Variants in VPS13D observed in about 807,000 individuals in gnomAD.
VPS13D encodes intermembrane lipid transfer protein VPS13D.
In VPS13D, 187 loss-of-function variants were observed where a neutral mutation model predicts 461.9. The observed-to-expected ratio is 0.40, with a 90% confidence interval of 0.36 to 0.46. The LOEUF (loss-of-function observed/expected upper bound fraction) is 0.46. Among genes scored for constraint, VPS13D ranks in the 20% least tolerant of loss-of-function variants. The pLI, the probability that VPS13D is intolerant of heterozygous loss-of-function variation, is 0.60. For missense variants in VPS13D, 4,711 were observed against 5,364.9 expected (o/e 0.88, Z 3.81); for synonymous variants, 1,951 against 1,986.3 (o/e 0.98, Z 0.47).
intron 54 of VPS13D, 112 bp downstream of exon 54, chr1:12,369,814 A>C (rs1644091773): frequency 1.0e-6 from 1 of 975,002 alleles, no homozygotes; most frequent in Admixed American, 2.7e-5. Flanking sequence ...AGATTCTTTC[A>C]TTCTTTACCA....
chr1:12,352,298 TAAAG>T (rs887715704), intron 46 of VPS13D, among the ~76,000 whole-genome samples: 7 of 151,336 alleles, frequency 4.6e-5, no homozygotes, highest in Admixed American at 1.3e-4. Flanking sequence ...CTCAAAAAAA[TAAAG>T]AAGGAGTACA....
chr1:12,373,619 T>G, intron 54 of VPS13D, 131 bp from the exon 55 acceptor site: 1 of 380,340 alleles, frequency 2.6e-6, no homozygotes, highest in Non-Finnish European at 4.2e-6. Context: ...TTTTCTTCTA[T>G]CCTTTAAAAA....
At chr1:12,421,224 C>G (rs1040637412) in intron 65 of VPS13D, among the ~76,000 whole-genome samples, 1 of 152,172 alleles carries the variant, frequency 6.6e-6, no homozygotes, top group Non-Finnish European at 1.5e-5. Flanking sequence ...CCCATGACTC[C>G]CCTGCCTGGG....
chr1:12,284,095 AGCAAC>A (rs986122164), intron 21 of VPS13D, among the ~76,000 whole-genome samples: 2 of 152,206 alleles, frequency 1.3e-5, no homozygotes, highest in African/African-American at 4.8e-5. Context: ...AATCTGTAAT[AGCAAC>A]TTTAAAGTGT....
At chr1:12,404,242 T>C (rs1250263240) in intron 63 of VPS13D, among the ~76,000 whole-genome samples, 1 of 151,784 alleles carries the variant, frequency 6.6e-6, no homozygotes, top group East Asian at 1.9e-4. Flanking sequence ...TCACAGATAA[T>C]TCTGTAAAAC....
At chr1:12,306,486 C>T (rs928333025) in intron 26 of VPS13D, among the ~76,000 whole-genome samples, 3 of 152,242 alleles carry the variant, frequency 2.0e-5, no homozygotes, top group Non-Finnish European at 4.4e-5. Context: ...TGATTAGGAA[C>T]AAGGCCAGTC....
intron 68 of VPS13D, among the ~76,000 whole-genome samples, chr1:12,498,717 T>G (rs994816940): frequency 1.3e-5 from 2 of 152,158 alleles, no homozygotes; most frequent in African/African-American, 4.8e-5. Flanking sequence ...AGGTCCAGGA[T>G]CAAGGCATCT....
intron 61 of VPS13D, 58 bp downstream of exon 61, chr1:12,400,388 C>G: frequency 5.0e-6 from 8 of 1,591,492 alleles, no homozygotes; most frequent in Non-Finnish European, 6.0e-6. Context: ...GATTTGTTCT[C>G]TCACAGCCAA....
Position 12,460,326 on chromosome 1 carries a change from G to A in VPS13D, c.12592G>A (p.Ala4198Thr). 6.2e-7 allele frequency: 1 copy of A among 1,613,158 alleles called. No individual in the cohort carries two copies. Among genetic ancestry groups the A allele is most frequent in the Non-Finnish European group, 8.5e-7 (1 of 1,179,540 alleles). ...TGTTGGCACTGTAACCAAGCCAGTG[G>A]CAGGCGCCCTGGATTTTGCATCAGA... ...GLVGTVTKPV[A>T]GALDFASETA... Residue 4198 changes from alanine (A) to threonine (T), a missense_variant, in exon 67 of 70, where the codon GCA becomes ACA. By Grantham distance (58) the Ala-to-Thr change is moderately conservative (BLOSUM62 0). Transcript: ENST00000620676.
intron 67 of VPS13D, among the ~76,000 whole-genome samples, chr1:12,478,183 G>A (rs1236141135): frequency 6.6e-6 from 1 of 152,258 alleles, no homozygotes; most frequent in Non-Finnish European, 1.5e-5. Flanking sequence ...TCAGTCATGA[G>A]CAAACAGTCA....
chr1:12,368,216 A>G (rs1454679068), intron 52 of VPS13D, among the ~76,000 whole-genome samples: 1 of 152,158 alleles, frequency 6.6e-6, no homozygotes, highest in Non-Finnish European at 1.5e-5. Context: ...ACATCCATCC[A>G]TCCTCTTCTT....
chr1:12,261,950 G>T lies in VPS13D; in HGVS notation c.1464G>T (p.Thr488=), dbSNP rs372184458. The T allele has an allele frequency of 2.5e-6, 4 of 1,614,138 alleles. No homozygotes were observed. The highest frequency in any genetic ancestry group is 1.3e-5 in the African/African-American group (1 of 75,036). The change falls in exon 13 of 70, where the codon ACG becomes ACT. Residue 488 remains threonine (T), a synonymous_variant. Transcript: ENST00000620676. The stretch of plus-strand genomic sequence containing the variant: ...CTGCAGATGCCTCGTGTATGAACAC[G>T]TATACAAAGCGAGATCATGTCTTTG... ...DPTADASCMN[T]YTKRDHVFAK...
Position 12,277,443 on chromosome 1 carries a change from C to A in VPS13D, c.3855C>A (p.Asn1285Lys). ...VERSKQECFL[N>K]LKMASLHYNH... Reference sequence around the variant, plus strand: ...GATCTAAACAGGAGTGTTTTCTCAACCTGAAGATGGCTTCTTTACATTATA... The same window carrying A: ...GATCTAAACAGGAGTGTTTTCTCAAACTGAAGATGGCTTCTTTACATTATA... Residue 1285 changes from asparagine (N) to lysine (K), a missense_variant, in exon 19 of 70, where the codon AAC becomes AAA. Coordinates refer to ENST00000620676, the MANE Select transcript of VPS13D (RefSeq NM_015378.4). 6.2e-7 allele frequency: 1 copy of A among 1,614,104 alleles called. No homozygotes were observed. Among genetic ancestry groups the A allele is most frequent in the Admixed American group, 1.7e-5 (1 of 60,014 alleles).
At chr1:12,294,568 A>G (rs1642221472) in intron 24 of VPS13D, among the ~76,000 whole-genome samples, 1 of 151,976 alleles carries the variant, frequency 6.6e-6, no homozygotes, top group African/African-American at 2.4e-5. Flanking sequence ...AAATCCTAGC[A>G]CTTTGGGAGG....
In VPS13D at chr1:12,277,813, A is replaced by T. The variant is rs555953873; in HGVS notation, c.4225A>T (p.Asn1409Tyr). 1 of 1,614,098 alleles carries T rather than the reference A, an allele frequency of 6.2e-7. No homozygotes were observed. The highest frequency in any genetic ancestry group is 1.3e-5 in the African/African-American group (1 of 75,010). ...ACACTTGGGACAGATATTCATCCAGAATTTTGTGGCGGGAGATGATGAATC... is the reference window on the plus strand; with the variant it reads ...ACACTTGGGACAGATATTCATCCAGTATTTTGTGGCGGGAGATGATGAATC... ...VGHLGQIFIQNFVAGDDESRS... is the reference protein window; with the variant it reads ...VGHLGQIFIQYFVAGDDESRS... Residue 1409 changes from asparagine to tyrosine, a missense_variant, in exon 19 of 70, where the codon AAT becomes TAT. Coordinates refer to ENST00000620676, the MANE Select transcript of VPS13D (RefSeq NM_015378.4).
At chr1:12,471,080 T>C (rs1303528340) in intron 67 of VPS13D, among the ~76,000 whole-genome samples, 1 of 152,134 alleles carries the variant, frequency 6.6e-6, no homozygotes, top group African/African-American at 2.4e-5. Context: ...AGTGGGCAGA[T>C]CACCTGAGGC....
At chr1:12,383,299 A>G (rs1644307076) in intron 58 of VPS13D, 144 bp downstream of exon 58, 3 of 869,216 alleles carry the variant, frequency 3.5e-6, no homozygotes, top group Non-Finnish European at 5.0e-6. Flanking sequence ...GATAGGATCT[A>G]CCTCACAAAG....
intron 54 of VPS13D, among the ~76,000 whole-genome samples, chr1:12,372,879 A>G (rs1644140977): frequency 6.6e-6 from 1 of 151,198 alleles, no homozygotes; most frequent in Non-Finnish European, 1.5e-5. Context: ...AACATCCCTA[A>G]GTGTAGCCAG....
intron 21 of VPS13D, among the ~76,000 whole-genome samples, chr1:12,284,769 A>G (rs960637081): frequency 2.0e-5 from 3 of 152,236 alleles, no homozygotes; most frequent in African/African-American, 7.2e-5. Context: ...CCTTGCTGAT[A>G]GTAGGCCTCA....
Sources: gnomAD v4.1 joint callset for allele counts (sites outside exome capture counted in the v4.1 genomes callset) on GRCh38, gnomAD v4.1.1 for gene constraint, MANE v1.5 for transcripts, NCBI Gene and HGNC (gene_info 2026-07-23, HGNC 2026-07-21) for gene names.